ZNF69: variants seen among roughly 807,000 people sequenced by gnomAD.
The protein encoded by ZNF69 is ZNF3.
In ZNF69, 47 loss-of-function variants were observed where a neutral mutation model predicts 50.9. The observed-to-expected ratio is 0.92, with a 90% confidence interval of 0.73 to 1.18. The LOEUF is 1.18. ZNF69 is among the 50% of genes most tolerant of loss of function. ZNF69 has a pLI of 0.00. For synonymous variants in ZNF69, 216 were observed against 223.1 expected, an observed-to-expected ratio of 0.97 and a Z score of 0.29; for missense variants, 717 against 675.1, an observed-to-expected ratio of 1.06 and a Z score of -0.69.
the ZNF69 span, among the ~76,000 whole-genome samples, chr19:11,925,843 A>G: frequency 6.6e-6 from 1 of 152,092 alleles, no homozygotes; most frequent in East Asian, 1.9e-4. Flanking sequence ...GGGAAACACA[A>G]CCCCAAGCAG....
chr19:11,915,599 A>G (rs1972515211), downstream of ZNF69, among the ~76,000 whole-genome samples: 1 of 152,130 alleles, frequency 6.6e-6, no homozygotes, highest in Non-Finnish European at 1.5e-5. Flanking sequence ...CTGATCCTAC[A>G]AAGAGTGACC....
chr19:11,928,305 G>A, the ZNF69 span, among the ~76,000 whole-genome samples: 429 of 152,206 alleles, frequency 2.8e-3, no homozygotes, highest in African/African-American at 9.8e-3. Flanking sequence ...AACTTAATTC[G>A]TAATGGTTTA....
At chr19:11,934,707 A>G in the ZNF69 span, among the ~76,000 whole-genome samples, 1 of 147,342 alleles carries the variant, frequency 6.8e-6, no homozygotes, top group East Asian at 2.0e-4. Flanking sequence ...TTGTATTATT[A>G]GTAGAGATGA....
chr19:11,940,548 T>C, the ZNF69 span, among the ~76,000 whole-genome samples: 1 of 151,682 alleles, frequency 6.6e-6, no homozygotes, highest in Admixed American at 6.6e-5. Context: ...GCTTCAGGAG[T>C]GAAGCTGCAG....
At chr19:11,917,857 G>C (rs565131480), downstream of ZNF69, among the ~76,000 whole-genome samples, 2 of 147,084 alleles carry the variant, frequency 1.4e-5, no homozygotes, top group Non-Finnish European at 3.0e-5. Flanking sequence ...GCAGGATCTC[G>C]GCTCACTGCA....
the ZNF69 span, among the ~76,000 whole-genome samples, chr19:11,921,581 C>T: frequency 6.6e-6 from 1 of 152,000 alleles, no homozygotes; most frequent in Non-Finnish European, 1.5e-5. Context: ...CGGCTCACTG[C>T]AACCTTCCAA....
At chr19:11,948,652 C>G in the ZNF69 span, 60,564 of 1,611,612 alleles carry the variant, frequency 0.038, 1,609 homozygotes, top group African/African-American at 0.13. Context: ...TTCAAGCATT[C>G]GAAGACACAT....
At position 11,890,780 on chromosome 19, in the gene ZNF69, T is replaced by C. The variant is rs562553418; in HGVS notation, c.63+2794T>C. Among the ~76,000 whole-genome samples, 347 of 152,278 alleles carry C rather than the reference T, an allele frequency of 2.3e-3. 2 individuals carry two copies. Among genetic ancestry groups the C allele is most frequent in the African/African-American group, 8.1e-3 (338 of 41,570 alleles). ...AGGCCAGAAGATAGATTTTTATTTT[T>C]AGTTTATAGGTTGAAGCCTCAGCTT... On this transcript the variant is annotated intron_variant, in intron 1 of 3. Transcript: ENST00000429654.
At chr19:11,974,621 G>T in the ZNF69 span, among the ~76,000 whole-genome samples, 9,746 of 141,850 alleles carry the variant, frequency 0.069, 480 homozygotes, top group African/African-American at 0.15. Flanking sequence ...GCGGGGGGGT[G>T]GGGTGTAATC....
intron 1 of ZNF69, among the ~76,000 whole-genome samples, chr19:11,888,302 C>T (rs977557245): frequency 2.6e-5 from 4 of 152,226 alleles, no homozygotes; most frequent in African/African-American, 9.6e-5. Context: ...GATCCCGACT[C>T]GGGTGTGGGG....
At chr19:11,956,407 A>G in the ZNF69 span, 1 of 392,592 alleles carries the variant, frequency 2.5e-6, no homozygotes, top group East Asian at 3.6e-5. Context: ...GAGGGGTGAT[A>G]GGTAAGTGCC....
the ZNF69 span, among the ~76,000 whole-genome samples, chr19:11,920,908 C>G: frequency 3.7e-4 from 56 of 152,274 alleles, no homozygotes; most frequent in East Asian, 9.5e-3. Context: ...TGATTTACCA[C>G]ACTGTGGGTG....
chr19:11,925,044 C>A, the ZNF69 span: 1 of 650,870 alleles, frequency 1.5e-6, no homozygotes, highest in South Asian at 1.7e-5. Flanking sequence ...GTATTTCATC[C>A]AATCAGAGGT....
At chr19:11,958,615 T>C in the ZNF69 span, among the ~76,000 whole-genome samples, 1 of 152,150 alleles carries the variant, frequency 6.6e-6, no homozygotes, top group Admixed American at 6.5e-5. Context: ...AGGGTGTTAG[T>C]AGAAGTCCCA....
the ZNF69 span, among the ~76,000 whole-genome samples, chr19:11,928,681 G>A: frequency 1.3e-4 from 18 of 141,220 alleles, no homozygotes; most frequent in African/African-American, 4.6e-4. Context: ...GCAGTGAGCC[G>A]AGATCCCGCC....
chr19:11,941,663 C>A, the ZNF69 span, among the ~76,000 whole-genome samples: 2 of 152,200 alleles, frequency 1.3e-5, no homozygotes, highest in African/African-American at 4.8e-5. Flanking sequence ...CCCCAGTTCC[C>A]GCTCGCGCCT....
At chr19:11,888,635 T>G (rs1457726205) in intron 1 of ZNF69, among the ~76,000 whole-genome samples, 1 of 152,126 alleles carries the variant, frequency 6.6e-6, no homozygotes, top group African/African-American at 2.4e-5. Context: ...GGGAAAATCA[T>G]GAATTAGTGC....
chr19:11,970,065 A>G, the ZNF69 span, among the ~76,000 whole-genome samples: 2 of 152,128 alleles, frequency 1.3e-5, no homozygotes, highest in Admixed American at 1.3e-4. Context: ...ATGGTGGAGG[A>G]GATGCCTGGT....
At chr19:11,952,920 A>G in the ZNF69 span, 1 of 152,168 alleles carries the variant, frequency 6.6e-6, no homozygotes, top group East Asian at 1.9e-4. Flanking sequence ...CTAAAAATAC[A>G]AAAATTAGCT....
Sources: gnomAD v4.1 joint callset for allele counts (sites outside exome capture counted in the v4.1 genomes callset) on GRCh38, gnomAD v4.1.1 for gene constraint, MANE v1.5 for transcripts, NCBI Gene and HGNC (gene_info 2026-07-23, HGNC 2026-07-21) for gene names.